Variants in VGLL4 observed in about 807,000 individuals in gnomAD.
VGLL4 encodes the protein vestigial like family member 4, also known as transcription cofactor vestigial-like protein 4.
A neutral mutation model predicts 21.0 loss-of-function variants in VGLL4; 7 were observed. That is an observed-to-expected ratio of 0.33 (90% CI 0.19 to 0.63). The LOEUF (loss-of-function observed/expected upper bound fraction) is 0.63. Ranked by LOEUF, VGLL4 falls within the 20% of genes least tolerant of loss-of-function variation. The pLI is 0.78. For synonymous variants in VGLL4, 222 were observed against 173.2 expected, an observed-to-expected ratio of 1.28 and a Z score of -2.21; for missense variants, 394 against 425.7, an observed-to-expected ratio of 0.93 and a Z score of 0.66.
At chr3:11,582,400 G>A in intron 2 of VGLL4, 8 of 1,546,274 alleles carry the variant, frequency 5.2e-6, no homozygotes, top group Non-Finnish European at 5.2e-6. Context: ...ATGGGCGGGC[G>A]CTTGTCAGAA....
intron 2 of VGLL4, among the ~76,000 whole-genome samples, chr3:11,673,865 T>C (rs1224925654): frequency 6.6e-6 from 1 of 151,584 alleles, no homozygotes; most frequent in African/African-American, 2.4e-5. Context: ...AATACAAAAT[T>C]AGCTGGGCGT....
At chr3:11,658,233 C>CCTGGATCTTTCCTTTTATCCAGCCGGCA (rs1559927934) in intron 2 of VGLL4, among the ~76,000 whole-genome samples, 5 of 152,210 alleles carry the variant, frequency 3.3e-5, no homozygotes, top group African/African-American at 1.2e-4. Context: ...CCATGCCCGG[C>CCTGGATCTTTCCTTTTATCCAGCCGGCA]TAAAACAAGT....
intron 1 of VGLL4, among the ~76,000 whole-genome samples, chr3:11,608,580 C>G (rs1287563335): frequency 6.6e-6 from 1 of 152,086 alleles, no homozygotes; most frequent in African/African-American, 2.4e-5. Context: ...ATGATTTTGA[C>G]AAAATATCAC....
intron 2 of VGLL4, among the ~76,000 whole-genome samples, chr3:11,569,078 A>T (rs938574736): frequency 1.3e-5 from 2 of 152,246 alleles, no homozygotes. Flanking sequence ...ATCTGGGGAA[A>T]AGTAAACCAG....
chr3:11,696,821 C>T, intron 2 of VGLL4, among the ~76,000 whole-genome samples: 1 of 152,176 alleles, frequency 6.6e-6, no homozygotes, highest in Non-Finnish European at 1.5e-5. Context: ...TCACTGCAGC[C>T]TAGTACTCCC....
In VGLL4 at chr3:11,558,649, G is replaced by A; in HGVS notation, c.798C>T (p.Ser266=). The part of the protein sequence containing the change: ...LQIKAAKDGA[S]SSPESASRRG... ...TGCGAGAGGCGGACTCAGGGCTGCTGGATGCTCCGTCCTTGGCCGCTTTGA... is the reference window on the plus strand; with the variant it reads ...TGCGAGAGGCGGACTCAGGGCTGCTAGATGCTCCGTCCTTGGCCGCTTTGA... Residue 266 remains serine, a synonymous_variant, in exon 5 of 5, where the codon TCC becomes TCT. Transcript: ENST00000430365. 1 of 1,611,972 alleles carries A rather than the reference G, an allele frequency of 6.2e-7. No homozygotes were observed. The highest frequency in any genetic ancestry group is 8.5e-7 in the Non-Finnish European group (1 of 1,180,012).
At chr3:11,659,326 C>CTTTTTT (rs5846714) in intron 2 of VGLL4, among the ~76,000 whole-genome samples, 168 of 70,790 alleles carry the variant, frequency 2.4e-3, no homozygotes, top group East Asian at 4.1e-3. Flanking sequence ...TTTTCTTTTT[C>CTTTTTT]TTTTTTTTTT....
Position 11,602,016 on chromosome 3 carries a change from G to C in VGLL4, c.89C>G (p.Ala30Gly). ...NIGILCYEGEAALRGEPRIQT... is the reference protein window; with the variant it reads ...NIGILCYEGEGALRGEPRIQT... ...TATTCTGGGTTCTCCCCTGAGAGCA[G>C]CTTCGCCTACGCAGAGAGAGATGAT... Residue 30 changes from alanine (A) to glycine (G), a missense_variant, in exon 2 of 5, where the codon GCT becomes GGT. Physicochemically the swap from Ala to Gly is moderately conservative, Grantham distance 60. Coordinates refer to ENST00000430365, the MANE Select transcript of VGLL4 (RefSeq NM_001128219.3). 1 of 1,564,080 alleles carries C rather than the reference G, an allele frequency of 6.4e-7. No individual in the cohort carries two copies. The highest frequency in any genetic ancestry group is 8.6e-7 in the Non-Finnish European group (1 of 1,160,238).
chr3:11,638,451 G>C (rs2125325962), intron 1 of VGLL4, among the ~76,000 whole-genome samples: 1 of 152,152 alleles, frequency 6.6e-6, no homozygotes, highest in East Asian at 1.9e-4. Context: ...ACACCAGCCA[G>C]GCCAGCTCTC....
chr3:11,618,281 T>C (rs758379742), intron 1 of VGLL4, among the ~76,000 whole-genome samples: 1 of 152,158 alleles, frequency 6.6e-6, no homozygotes, highest in Non-Finnish European at 1.5e-5. Context: ...TAAATTTTAC[T>C]CAATAATTAT....
intron 1 of VGLL4, among the ~76,000 whole-genome samples, chr3:11,709,133 T>C: frequency 6.6e-6 from 1 of 151,630 alleles, no homozygotes; most frequent in Non-Finnish European, 1.5e-5. Flanking sequence ...GAGTGGAGTG[T>C]GGCTCTAGAA....
At chr3:11,645,490 T>C (rs1339626193), upstream of VGLL4, among the ~76,000 whole-genome samples, 1 of 129,090 alleles carries the variant, frequency 7.7e-6, no homozygotes, top group African/African-American at 3.0e-5. Context: ...CTCGGGAGGC[T>C]GAGGCAGGAG....
At chr3:11,693,966 G>A (rs145639685) in intron 2 of VGLL4, among the ~76,000 whole-genome samples, 4 of 152,186 alleles carry the variant, frequency 2.6e-5, no homozygotes, top group East Asian at 3.9e-4. Flanking sequence ...AGAATTACGC[G>A]CTTAGGTTTC....
At chr3:11,569,382 G>A (rs2073681673) in intron 2 of VGLL4, among the ~76,000 whole-genome samples, 1 of 152,184 alleles carries the variant, frequency 6.6e-6, no homozygotes, top group South Asian at 2.1e-4. Flanking sequence ...GGCATGGCAG[G>A]TGCTCCCACC....
At chr3:11,702,893 C>T in intron 2 of VGLL4, 4 of 1,360,918 alleles carry the variant, frequency 2.9e-6, no homozygotes, top group Non-Finnish European at 4.0e-6. Context: ...TGTAGAGAAG[C>T]ATGTAATTTT....
At chr3:11,709,936 A>G (rs1469196775) in intron 1 of VGLL4, among the ~76,000 whole-genome samples, 1 of 152,244 alleles carries the variant, frequency 6.6e-6, no homozygotes, top group African/African-American at 2.4e-5. Context: ...ACTGGCTCAC[A>G]GTAGACTGTA....
At chr3:11,680,028 T>C (rs1019762430) in intron 2 of VGLL4, among the ~76,000 whole-genome samples, 1 of 152,206 alleles carries the variant, frequency 6.6e-6, no homozygotes, top group Non-Finnish European at 1.5e-5. Flanking sequence ...TGCTTATCTT[T>C]TATTCTGTAT....
upstream of VGLL4, among the ~76,000 whole-genome samples, chr3:11,645,515 G>A (rs139263747): frequency 5.2e-4 from 55 of 105,398 alleles, 3 homozygotes; most frequent in African/African-American, 1.8e-3. Flanking sequence ...GCGTGAACCC[G>A]GGAAGCGGAG....
intron 1 of VGLL4, among the ~76,000 whole-genome samples, chr3:11,712,431 T>C (rs1169873410): frequency 6.6e-6 from 1 of 152,210 alleles, no homozygotes; most frequent in Non-Finnish European, 1.5e-5. Flanking sequence ...ATTTTATTAG[T>C]CTACCACCAC....
Sources: gnomAD v4.1 joint callset for allele counts (sites outside exome capture counted in the v4.1 genomes callset) on GRCh38, gnomAD v4.1.1 for gene constraint, MANE v1.5 for transcripts, NCBI Gene and HGNC (gene_info 2026-07-23, HGNC 2026-07-21) for gene names.